The following NOL4 variants were observed in gnomAD, a reference collection of about 807,000 sequenced individuals.
The protein encoded by NOL4 is cancer/testis antigen 125.
NOL4 carries 17 observed loss-of-function variants against 75.9 expected under a neutral mutation model. The ratio of observed to expected loss-of-function variants is 0.22; its 90% CI spans 0.15 to 0.34. The LOEUF (loss-of-function observed/expected upper bound fraction) is 0.34. Among genes scored for constraint, NOL4 ranks in the 10% least tolerant of loss-of-function variants. NOL4 has a pLI of 1.00. For synonymous variants in NOL4, 292 were observed against 289.9 expected (o/e 1.01, Z -0.07); for missense variants, 614 against 793.5 (o/e 0.77, Z 2.72).
intron 6 of NOL4, among the ~76,000 whole-genome samples, chr18:33,964,891 T>G (rs2070453603): frequency 6.6e-6 from 1 of 152,162 alleles, no homozygotes; most frequent in Non-Finnish European, 1.5e-5. Context: ...TGCAACAATT[T>G]ACTGATAGAG....
chr18:34,111,858 G>T (rs1331647081), intron 2 of NOL4, among the ~76,000 whole-genome samples: 1 of 152,166 alleles, frequency 6.6e-6, no homozygotes, highest in Non-Finnish European at 1.5e-5. Context: ...ATGATGTGAA[G>T]AAAAGGGAAG....
chr18:34,035,423 A>T (rs904156100), intron 5 of NOL4, among the ~76,000 whole-genome samples: 2 of 152,158 alleles, frequency 1.3e-5, no homozygotes, highest in Non-Finnish European at 2.9e-5. Flanking sequence ...AAATGAAAAT[A>T]GGAATATAAT....
intron 6 of NOL4, among the ~76,000 whole-genome samples, chr18:34,008,426 T>C (rs1379035670): frequency 6.8e-6 from 1 of 147,898 alleles, no homozygotes. Flanking sequence ...ATGGGTTCCA[T>C]TTGTCTGGAG....
At chr18:33,952,471 T>C (rs953004450) in intron 8 of NOL4, among the ~76,000 whole-genome samples, 1 of 152,182 alleles carries the variant, frequency 6.6e-6, no homozygotes, top group African/African-American at 2.4e-5. Flanking sequence ...TTATATGCTA[T>C]ACATATACAT....
At chr18:34,141,094 GA>G (rs1234661814) in intron 1 of NOL4, among the ~76,000 whole-genome samples, 13 of 152,110 alleles carry the variant, frequency 8.5e-5, no homozygotes, top group Non-Finnish European at 1.6e-4. Context: ...CTGCTTCAAA[GA>G]GAATAAAATA....
rs75285551 is a variant in NOL4 at position 34,145,311 on chromosome 18, C to G, written c.265-15291G>C. Among the ~76,000 whole-genome samples, 850 of 152,024 alleles carry G rather than the reference C, an allele frequency of 5.6e-3. 11 individuals are homozygous for G. Among genetic ancestry groups the G allele is most frequent in the African/African-American group, 0.02 (816 of 41,524 alleles). ...TACCTTTTCTAGTCTTAAGTATTAT[C>G]AATCAGATATTCTAATGGGCAAAAT... is the stretch of plus-strand genomic sequence containing the variant. On this transcript the variant is annotated intron_variant, in intron 1 of 10. Transcript: ENST00000261592.
chr18:33,957,108 G>A (rs971258046), intron 8 of NOL4, among the ~76,000 whole-genome samples: 1 of 151,960 alleles, frequency 6.6e-6, no homozygotes, highest in Non-Finnish European at 1.5e-5. Context: ...GTGAGCACTG[G>A]ACTCACAAGA....
chr18:34,093,813 G>A (rs1373171917), intron 4 of NOL4, among the ~76,000 whole-genome samples: 1 of 152,168 alleles, frequency 6.6e-6, no homozygotes, highest in South Asian at 2.1e-4. Flanking sequence ...GCTGAGGAGG[G>A]CAGATCACGA....
intron 1 of NOL4, among the ~76,000 whole-genome samples, chr18:34,189,306 C>T (rs992943494): frequency 2.0e-5 from 3 of 152,104 alleles, no homozygotes; most frequent in East Asian, 1.9e-4. Context: ...GAGTGATACT[C>T]GCTCACTCCC....
At chr18:34,135,778 T>C (rs1441907767) in intron 1 of NOL4, among the ~76,000 whole-genome samples, 1 of 147,952 alleles carries the variant, frequency 6.8e-6, no homozygotes, top group Admixed American at 6.7e-5. Context: ...AAAGAATCAA[T>C]GGAATTCATC....
chr18:34,131,976 A>G (rs1396436280), intron 1 of NOL4, among the ~76,000 whole-genome samples: 1 of 152,188 alleles, frequency 6.6e-6, no homozygotes, highest in Non-Finnish European at 1.5e-5. Context: ...TTTCAAAAAG[A>G]GTACTTTATT....
At position 33,954,612 on chromosome 18, in the gene NOL4, G is replaced by A. The variant is rs543600916; in HGVS notation, c.1428+2714C>T. 7.8e-4 allele frequency among the ~76,000 whole-genome samples: 118 copies of A among 152,114 alleles called. 1 individual carries two copies. Among genetic ancestry groups the A allele is most frequent in the African/African-American group, 2.8e-3 (116 of 41,518 alleles). ...AAACTGAATATATAAAACAGTAGGG[G>A]TGGTTGATGGAGCAATGCTCTGAAG... On this transcript the variant is annotated intron_variant, in intron 8 of 10. Coordinates refer to ENST00000261592, the MANE Select transcript of NOL4 (RefSeq NM_003787.5).
At chr18:34,111,079 T>TTTGGAAAC (rs1242176466) in intron 2 of NOL4, among the ~76,000 whole-genome samples, 1 of 152,168 alleles carries the variant, frequency 6.6e-6, no homozygotes, top group Non-Finnish European at 1.5e-5. Context: ...ATAAATGGTA[T>TTTGGAAAC]TTGGAAACTG....
intron 2 of NOL4, among the ~76,000 whole-genome samples, chr18:34,122,894 G>A (rs73418476): frequency 0.093 from 14,162 of 151,968 alleles, 1,372 homozygotes; most frequent in African/African-American, 0.25. Flanking sequence ...CCACTAGGAG[G>A]CATTAACCAG....
At chr18:33,978,721 T>C (rs1192185071) in intron 6 of NOL4, among the ~76,000 whole-genome samples, 1 of 152,112 alleles carries the variant, frequency 6.6e-6, no homozygotes, top group African/African-American at 2.4e-5. Context: ...ATACTACCTA[T>C]GTACATCTTC....
At chr18:34,071,095 T>A (rs2145254747) in intron 5 of NOL4, among the ~76,000 whole-genome samples, 1 of 152,242 alleles carries the variant, frequency 6.6e-6, no homozygotes, top group South Asian at 2.1e-4. Flanking sequence ...AAGAGAAGAT[T>A]CTGAGTGTTC....
At chr18:34,007,142 C>G (rs1341082194) in intron 6 of NOL4, among the ~76,000 whole-genome samples, 1 of 151,990 alleles carries the variant, frequency 6.6e-6, no homozygotes, top group African/African-American at 2.4e-5. Context: ...TTGAGCCTCT[C>G]ATGCCTCTGA....
chr18:34,027,326 T>C (rs542885204), intron 5 of NOL4, among the ~76,000 whole-genome samples: 33 of 152,220 alleles, frequency 2.2e-4, no homozygotes, highest in African/African-American at 7.7e-4. Flanking sequence ...AATCATGGGA[T>C]TAGCAATAAA....
rs776368354 is a variant in NOL4, at chr18:33,958,376, C to T, written c.1099G>A (p.Glu367Lys). The change falls in exon 7 of 11, where the codon GAG becomes AAG. Residue 367 changes from glutamate to lysine, a missense_variant. Transcript: ENST00000261592. The stretch of plus-strand genomic sequence containing the variant: ...TCCTCAGCTCCTCGGTCTACACTCT[C>T]ATTTTTGCCAGAGTCATAGCTGGAG... Reference protein sequence around the residue: ...SYSSYDSGKNESVDRGAEDLS... With the variant: ...SYSSYDSGKNKSVDRGAEDLS... 1.2e-6 allele frequency: 2 copies of T among 1,613,408 alleles called. No homozygotes were observed. Among genetic ancestry groups the T allele is most frequent in the East Asian group, 4.5e-5 (2 of 44,850 alleles).
Sources: gnomAD v4.1 joint callset for allele counts (sites outside exome capture counted in the v4.1 genomes callset) on GRCh38, gnomAD v4.1.1 for gene constraint, MANE v1.5 for transcripts, NCBI Gene and HGNC (gene_info 2026-07-23, HGNC 2026-07-21) for gene names.